Variants in DHX29 observed in about 807,000 individuals in gnomAD.
DHX29 encodes DExH-box helicase 29.
In DHX29, 79 loss-of-function variants were observed where a neutral mutation model predicts 167.9. The observed-to-expected ratio is 0.47, with a 90% CI of 0.39 to 0.57. The LOEUF (loss-of-function observed/expected upper bound fraction) is 0.57. Ranked by LOEUF, DHX29 falls within the 20% of genes least tolerant of loss-of-function variation. The pLI, the probability that DHX29 is intolerant of heterozygous loss-of-function variation, is 0.00. For synonymous variants in DHX29, 530 were observed against 546.0 expected (o/e 0.97, Z 0.41); for missense variants, 1,347 against 1,593.4 (o/e 0.85, Z 2.63).
At chr5:55,304,194 C>G (rs1748743116) in intron 1 of DHX29, among the ~76,000 whole-genome samples, 1 of 152,066 alleles carries the variant, frequency 6.6e-6, no homozygotes, top group African/African-American at 2.4e-5. Flanking sequence ...CTTGCTATTT[C>G]TAGAACACTC....
chr5:55,300,328 C>T (rs1483794605), intron 1 of DHX29, among the ~76,000 whole-genome samples: 2 of 151,658 alleles, frequency 1.3e-5, no homozygotes, highest in Non-Finnish European at 2.9e-5. Context: ...TGAGCTGTGA[C>T]TGCAACACTG....
rs1318537906 is a variant in DHX29, at chr5:55,261,465, G to C, written c.3863C>G (p.Thr1288Ser). The C allele has an allele frequency of 6.3e-7, 1 of 1,574,900 alleles. No individual in the cohort carries two copies. Among genetic ancestry groups the C allele is most frequent in the Non-Finnish European group, 8.7e-7 (1 of 1,145,144 alleles). The change falls in exon 25 of 27, where the codon ACC (threonine) becomes AGC (serine). Residue 1288 changes from threonine to serine, a missense_variant. By Grantham distance (58) the Thr-to-Ser change is moderately conservative. Coordinates refer to ENST00000251636, the MANE Select transcript of DHX29 (RefSeq NM_019030.4). ...TAAAACTGGAAAAGGGGTTATTAGG[G>C]TAGTTTCTCTCAAATACACTCTGGC... ...RYARVYLRET[T>S]LITPFPVLLF...
chr5:55,299,024 G>C (rs1449086745), intron 1 of DHX29, among the ~76,000 whole-genome samples: 2 of 124,738 alleles, frequency 1.6e-5, no homozygotes, highest in African/African-American at 6.4e-5. Context: ...GCGACAGAGC[G>C]AGACTCCGTC....
At chr5:55,270,335 T>G (rs1435210924) in intron 20 of DHX29, 77 bp downstream of exon 20, 1 of 1,438,136 alleles carries the variant, frequency 7.0e-7, no homozygotes, top group East Asian at 2.5e-5. Flanking sequence ...CAATATAAGG[T>G]AAGTTTAGGT....
chr5:55,265,918 G>T (rs114126598), intron 23 of DHX29, among the ~76,000 whole-genome samples: 262 of 152,160 alleles, frequency 1.7e-3, no homozygotes, highest in African/African-American at 6.1e-3. Flanking sequence ...ATAATTTGAT[G>T]TGTGTTTGAA....
rs1206132215 is a variant in DHX29, at chr5:55,261,508, GA to G, written c.3829-10del. The G allele has an allele frequency of 2.4e-5, 37 of 1,512,202 alleles. No individual in the cohort carries two copies. The highest frequency in any genetic ancestry group is 9.9e-5 in the Admixed American group (5 of 50,586). 93.7% of individuals were successfully genotyped at this position (1,512,202 alleles called of 1,614,324 possible). On this transcript the variant is annotated splice_polypyrimidine_tract_variant and intron_variant, in intron 24 of 26. Transcript: ENST00000251636. ...ACTCTGGCATACCTTATCTACATGG[GA>G]AAAAGGGGGGAAAATAACTTCAAAA...
Position 55,267,668 on chromosome 5 carries a change from G to C in DHX29, c.3431+18C>G. On this transcript the variant is annotated intron_variant, in intron 22 of 26. Coordinates refer to ENST00000251636, the MANE Select transcript of DHX29 (RefSeq NM_019030.4). ...TCAGGTAATTGGCTTACTGATAACA[G>C]CCAGATTATGTTTTTACCCTAGATA... is the stretch of plus-strand genomic sequence containing the variant. 6.3e-7 allele frequency: 1 copy of C among 1,585,222 alleles called. No homozygotes were observed.
At chr5:55,264,724 TAAC>T (rs1411759406) in intron 23 of DHX29, among the ~76,000 whole-genome samples, 2 of 152,174 alleles carry the variant, frequency 1.3e-5, no homozygotes, top group Admixed American at 6.5e-5. Flanking sequence ...ATTAAGTTCA[TAAC>T]AATTTTTTAA....
At chr5:55,270,391 T>C in intron 20 of DHX29, 21 bp downstream of exon 20, 1 of 1,587,534 alleles carries the variant, frequency 6.3e-7, no homozygotes. Context: ...ACAAAATCCA[T>C]CCGAGTTCCC....
At chr5:55,277,427 A>C (rs113302475) in intron 12 of DHX29, 145 bp from the exon 13 acceptor site, 2 of 525,860 alleles carry the variant, frequency 3.8e-6, no homozygotes, top group Non-Finnish European at 6.7e-6. Flanking sequence ...AGAAGCTGTA[A>C]GTTTTAAATA....
At chr5:55,289,501 T>G in intron 7 of DHX29, 73 bp from the exon 8 acceptor site, 1 of 1,269,224 alleles carries the variant, frequency 7.9e-7, no homozygotes, top group Non-Finnish European at 1.0e-6. Context: ...ATTTACTTTT[T>G]TGGTATTTAT....
Position 55,285,294 on chromosome 5 carries a change from T to C in DHX29, c.1355A>G (p.Gln452Arg). The C allele has an allele frequency of 6.2e-7, 1 of 1,613,800 alleles. No individual in the cohort carries two copies. Residue 452 changes from glutamine (Q) to arginine (R), a missense_variant and splice_region_variant, in exon 10 of 27, where the codon CAG becomes CGG. Physicochemically the swap from Gln to Arg is conservative, Grantham distance 43 (BLOSUM62 1). Transcript: ENST00000251636. ...TLALYRLVKG[Q>R]SVHQLLPPTY... is the part of the protein sequence containing the mutation. ...ATAGTTAGGCCTAAAAAGTCTTACC[T>C]GCCCTTTAACTAAACGGTAAAGGGC...
chr5:55,261,377 G>T lies in DHX29; in HGVS notation c.3951C>A (p.Ile1317=). 6.4e-7 allele frequency: 1 copy of T among 1,573,018 alleles called. No homozygotes were observed. Among genetic ancestry groups the T allele is most frequent in the Non-Finnish European group, 8.7e-7 (1 of 1,149,350 alleles). The change falls in exon 25 of 27, where the codon ATC becomes ATA. Residue 1317 remains isoleucine (I), a synonymous_variant. Coordinates refer to ENST00000251636, the MANE Select transcript of DHX29 (RefSeq NM_019030.4). ...CAGTTGTACTATGTACCTGAAAATA[G>T]ATCCAGCCATCAATAGAAAGAAGAC... ...RERLLSIDGW[I]YFQAPVKIAV...
Position 55,259,892 on chromosome 5 carries a change from G to C in DHX29, c.4013C>G (p.Ser1338Ter). Residue 1338 changes from serine to a stop codon, truncating the protein, a stop_gained, in exon 26 of 27, where the codon TCA (serine) becomes TGA (stop). Transcript: ENST00000251636. LOFTEE classifies it high-confidence loss of function. The part of the protein sequence containing the change: ...IFKQLRVLID[S>*]VLRKKLENPK... ...ATTTTCAAGCTTTTTTCTTAAAACT[G>C]AATCAATGAGAACTCTCAGCTGCTT... The C allele has an allele frequency of 6.2e-7, 1 of 1,612,492 alleles. No homozygotes were observed. Among genetic ancestry groups the C allele is most frequent in the East Asian group, 2.2e-5 (1 of 44,848 alleles).
In DHX29 at chr5:55,283,734, T is replaced by C. The variant is rs1219272400; in HGVS notation, c.1434A>G (p.Glu478=). The C allele has an allele frequency of 6.2e-7, 1 of 1,613,846 alleles. No individual in the cohort carries two copies. The highest frequency in any genetic ancestry group is 8.5e-7 in the Non-Finnish European group (1 of 1,179,972). ...EWSDAEKKRE[E]LNKMETNKPR... ...GTTTATTGGTTTCCATTTTATTTAATTCTTCCCTTTTCTTTTCTGCATCAC... is the reference window on the plus strand; with the variant it reads ...GTTTATTGGTTTCCATTTTATTTAACTCTTCCCTTTTCTTTTCTGCATCAC... Residue 478 remains glutamate (E), a synonymous_variant, in exon 11 of 27, where the codon GAA becomes GAG. Coordinates refer to ENST00000251636, the MANE Select transcript of DHX29 (RefSeq NM_019030.4).
chr5:55,266,131 T>G (rs1414786594), intron 23 of DHX29, among the ~76,000 whole-genome samples: 1 of 151,994 alleles, frequency 6.6e-6, no homozygotes, highest in Non-Finnish European at 1.5e-5. Flanking sequence ...CCCGAGTATT[T>G]GGGATTACAG....
chr5:55,274,756 A>G, intron 15 of DHX29, 25 bp from the exon 16 acceptor site: 1 of 1,569,294 alleles, frequency 6.4e-7, no homozygotes, highest in Non-Finnish European at 8.6e-7. Flanking sequence ...AAGATACAAT[A>G]TTCAAAATAA....
intron 18 of DHX29, among the ~76,000 whole-genome samples, 162 bp downstream of exon 18, chr5:55,271,925 G>C (rs1044147623): frequency 2.0e-5 from 3 of 152,112 alleles, no homozygotes; most frequent in Non-Finnish European, 4.4e-5. Flanking sequence ...TTTACTCTCA[G>C]ATATTTTAAA....
chr5:55,277,086 A>C lies in DHX29; in HGVS notation c.2286+20T>G. On this transcript the variant is annotated intron_variant, in intron 13 of 26. Coordinates refer to ENST00000251636, the MANE Select transcript of DHX29 (RefSeq NM_019030.4). ...GGGAATGCAGTTTCTGCTTATACAC[A>C]CATTATAAAGAAAACTTACCTCAAC... is the stretch of plus-strand genomic sequence containing the variant. The C allele has an allele frequency of 1.9e-6, 3 of 1,575,956 alleles. No individual in the cohort carries two copies. Among genetic ancestry groups the C allele is most frequent in the African/African-American group, 1.4e-5 (1 of 73,542 alleles).
Sources: allele counts gnomAD v4.1 joint callset (sites outside exome capture counted in the v4.1 genomes callset), GRCh38; gene constraint gnomAD v4.1.1; transcripts MANE v1.5; gene names NCBI Gene and HGNC (gene_info 2026-07-23, HGNC 2026-07-21).